Variants in PRKG1 observed in about 807,000 individuals in gnomAD.
The protein encoded by PRKG1 is cGMP-dependent protein kinase 1.
PRKG1 carries 35 observed loss-of-function variants against 88.1 expected under a neutral mutation model. That is an observed-to-expected ratio of 0.40 (90% CI 0.30 to 0.53). PRKG1 has a LOEUF of 0.53. Ranked by LOEUF, PRKG1 falls within the 20% of genes least tolerant of loss-of-function variation. PRKG1 has a pLI of 0.59. For missense variants in PRKG1, 540 were observed against 839.8 expected, an observed-to-expected ratio of 0.64 and a Z score of 4.41; for synonymous variants, 303 against 292.5, an observed-to-expected ratio of 1.04 and a Z score of -0.37.
intron 3 of PRKG1, among the ~76,000 whole-genome samples, chr10:51,562,248 T>C (rs7910357): frequency 0.93 from 140,231 of 151,482 alleles, 64,996 homozygotes; most frequent in East Asian, 1. Context: ...GCTACTGTAA[T>C]GTGTGAAAAT....
At chr10:51,330,711 G>A (rs1470097575) in intron 2 of PRKG1, among the ~76,000 whole-genome samples, 2 of 101,956 alleles carry the variant, frequency 2.0e-5, no homozygotes, top group Admixed American at 1.8e-4. Flanking sequence ...TATCATTCTG[G>A]TCACATTGAT....
chr10:51,093,029 A>G lies in PRKG1; in HGVS notation c.311+18128A>G, dbSNP rs74709849. ...TGATGCAACAGGATTTTCAAAACAC[A>G]CTACGAATCGTTGTGCAGGTTGATA... On this transcript the variant is annotated intron_variant, in intron 1 of 17. Coordinates refer to ENST00000373980, the MANE Select transcript of PRKG1 (RefSeq NM_006258.4). Among the ~76,000 whole-genome samples, 143 of 152,288 alleles carry G rather than the reference A, an allele frequency of 9.4e-4. 1 individual carries two copies. Among genetic ancestry groups the G allele is most frequent in the African/African-American group, 3.3e-3 (136 of 41,566 alleles).
chr10:51,875,939 C>G (rs1841287527), intron 4 of PRKG1, among the ~76,000 whole-genome samples: 1 of 113,110 alleles, frequency 8.8e-6, no homozygotes, highest in South Asian at 3.0e-4. Context: ...TTATTCCTTT[C>G]TTTTCTTTCT....
At chr10:51,613,152 G>A (rs1181499874) in intron 3 of PRKG1, among the ~76,000 whole-genome samples, 1 of 151,822 alleles carries the variant, frequency 6.6e-6, no homozygotes, top group Non-Finnish European at 1.5e-5. Context: ...CCAGTCCTGG[G>A]CTCTTCTTTG....
intron 1 of PRKG1, among the ~76,000 whole-genome samples, chr10:51,039,739 A>C (rs1368190520): frequency 6.6e-6 from 1 of 152,114 alleles, no homozygotes; most frequent in Non-Finnish European, 1.5e-5. Flanking sequence ...TTTTACATTT[A>C]AGTCCTTAAT....
chr10:52,099,540 A>G (rs1217970922), intron 7 of PRKG1, among the ~76,000 whole-genome samples: 1 of 152,220 alleles, frequency 6.6e-6, no homozygotes, highest in African/African-American at 2.4e-5. Flanking sequence ...TCTTTAAAAT[A>G]CATGTAATCC....
At chr10:51,147,895 T>A (rs1049856736) in intron 1 of PRKG1, among the ~76,000 whole-genome samples, 1 of 152,202 alleles carries the variant, frequency 6.6e-6, no homozygotes, top group South Asian at 2.1e-4. Flanking sequence ...AATATCTAAA[T>A]TGGCCAATAA....
intron 17 of PRKG1, among the ~76,000 whole-genome samples, chr10:52,290,727 G>A (rs1341064544): frequency 1.3e-5 from 2 of 151,872 alleles, no homozygotes; most frequent in Non-Finnish European, 2.9e-5. Context: ...GTGCTGATGT[G>A]CACCTATAGT....
At chr10:51,069,825 A>T (rs1843801049), upstream of PRKG1, among the ~76,000 whole-genome samples, 1 of 152,144 alleles carries the variant, frequency 6.6e-6, no homozygotes, top group Admixed American at 6.6e-5. Context: ...CGAGACTGGA[A>T]GATTCTTAGA....
intron 2 of PRKG1, among the ~76,000 whole-genome samples, chr10:51,361,689 CTAT>C (rs1842484505): frequency 6.6e-6 from 1 of 151,632 alleles, no homozygotes; most frequent in South Asian, 2.1e-4. Context: ...AAATTATTAC[CTAT>C]TAGCCACTGC....
chr10:52,029,272 A>G (rs1458242963), intron 5 of PRKG1, among the ~76,000 whole-genome samples: 1 of 152,178 alleles, frequency 6.6e-6, no homozygotes, highest in South Asian at 2.1e-4. Flanking sequence ...AATGTTCACA[A>G]ATGAATTTCT....
intron 2 of PRKG1, among the ~76,000 whole-genome samples, chr10:51,428,133 C>T (rs1393961458): frequency 1.3e-5 from 2 of 152,158 alleles, no homozygotes; most frequent in Non-Finnish European, 2.9e-5. Context: ...TTTCTAACTG[C>T]TAGAACTTCT....
At chr10:52,057,841 A>G (rs576789786) in intron 6 of PRKG1, among the ~76,000 whole-genome samples, 96 of 152,054 alleles carry the variant, frequency 6.3e-4, no homozygotes, top group Non-Finnish European at 1.2e-3. Context: ...GCATATGTAT[A>G]CATATGTTTA....
At chr10:51,748,021 T>C (rs2132504103) in intron 3 of PRKG1, among the ~76,000 whole-genome samples, 1 of 152,346 alleles carries the variant, frequency 6.6e-6, no homozygotes, top group South Asian at 2.1e-4. Flanking sequence ...CCAGAACTCC[T>C]GACCTTCAGT....
At chr10:52,179,652 C>T (rs1341285043) in intron 9 of PRKG1, among the ~76,000 whole-genome samples, 1 of 152,082 alleles carries the variant, frequency 6.6e-6, no homozygotes, top group Non-Finnish European at 1.5e-5. Flanking sequence ...GGGAGATTTT[C>T]AGCTATTATT....
intron 10 of PRKG1, among the ~76,000 whole-genome samples, chr10:52,268,825 C>G (rs1481247404): frequency 6.6e-6 from 1 of 152,006 alleles, no homozygotes; most frequent in Non-Finnish European, 1.5e-5. Context: ...GTAGAGATTG[C>G]TGGGTACAAG....
At chr10:51,962,444 G>A (rs1843469821) in intron 5 of PRKG1, among the ~76,000 whole-genome samples, 1 of 152,042 alleles carries the variant, frequency 6.6e-6, no homozygotes, top group Admixed American at 6.6e-5. Context: ...GATGATCATA[G>A]GTCTTGAATG....
At chr10:51,714,387 G>A (rs1298436506) in intron 3 of PRKG1, among the ~76,000 whole-genome samples, 1 of 151,648 alleles carries the variant, frequency 6.6e-6, no homozygotes, top group Non-Finnish European at 1.5e-5. Context: ...CACCATGGGA[G>A]AGGCATGAGC....
chr10:52,161,403 A>C (rs190717354), intron 8 of PRKG1, among the ~76,000 whole-genome samples: 2 of 152,086 alleles, frequency 1.3e-5, no homozygotes, highest in East Asian at 1.9e-4. Context: ...TTAGTTTACT[A>C]TTTTGTTAAG....
Sources: gnomAD v4.1 joint callset for allele counts (sites outside exome capture counted in the v4.1 genomes callset) on GRCh38, gnomAD v4.1.1 for gene constraint, MANE v1.5 for transcripts, NCBI Gene and HGNC (gene_info 2026-07-23, HGNC 2026-07-21) for gene names.